DACH2: variants seen among roughly 807,000 people sequenced by gnomAD.
The protein encoded by DACH2 is dachshund homolog 2.
DACH2 carries 17 observed loss-of-function variants against 35.8 expected under a neutral mutation model. The ratio of observed to expected loss-of-function variants is 0.48; its 90% CI spans 0.33 to 0.71. The LOEUF is 0.71. Among genes scored for constraint, DACH2 ranks in the 30% least tolerant of loss-of-function variants. DACH2 has a pLI of 0.02. For synonymous variants in DACH2, 195 were observed against 177.3 expected, an observed-to-expected ratio of 1.10 and a Z score of -0.79; for missense variants, 469 against 472.7, an observed-to-expected ratio of 0.99 and a Z score of 0.07.
chrX:86,747,093 A>G (rs1223229664), intron 7 of DACH2, among the ~76,000 whole-genome samples: 3 of 111,526 alleles, frequency 2.7e-5, no homozygotes, highest in Non-Finnish European at 5.7e-5. Flanking sequence ...CTTGATTACT[A>G]TAGCTTTATA....
At chrX:86,625,335 A>C (rs1247856383) in intron 3 of DACH2, among the ~76,000 whole-genome samples, 3 of 109,330 alleles carry the variant, frequency 2.7e-5, no homozygotes, top group Admixed American at 2.0e-4. Context: ...TCTATTAACC[A>C]AGAACTACCT....
intron 4 of DACH2, among the ~76,000 whole-genome samples, chrX:86,671,051 G>A (rs1316366175): frequency 2.7e-5 from 3 of 111,853 alleles, no homozygotes; most frequent in Non-Finnish European, 3.8e-5. Flanking sequence ...GCATTGAATT[G>A]TTTCTTTTGT....
rs1251815606 is a variant in DACH2 at position 86,417,505 on chromosome X, G to A, written c.527+40643G>A. Among the ~76,000 whole-genome samples, 5 of 96,546 alleles carry A rather than the reference G, an allele frequency of 5.2e-5. No homozygotes were observed. The East Asian group carries it at 1.4e-3, about 27-fold the overall frequency. 83.8% of individuals were successfully genotyped at this position (96,546 alleles called of 115,157 possible). A position where few individuals can be genotyped will look rare whatever the true frequency, so the allele number is the denominator to read the frequency against. On this transcript the variant is annotated intron_variant, in intron 2 of 11. Coordinates refer to ENST00000373125, the MANE Select transcript of DACH2 (RefSeq NM_053281.3). Reference sequence around the variant, plus strand: ...ATCCTACATGGATGGCAGCAGGCAAGAGAGAGAACTTGTGCCGGGAAACTC... The same window carrying A: ...ATCCTACATGGATGGCAGCAGGCAAAAGAGAGAACTTGTGCCGGGAAACTC...
intron 7 of DACH2, chrX:86,799,209 C>G: frequency 4.0e-6 from 1 of 249,382 alleles, no homozygotes; most frequent in Admixed American, 5.2e-5. Flanking sequence ...CACTTTCCTT[C>G]ATCATTGCCA....
chrX:86,722,362 A>C (rs1295042064), intron 6 of DACH2, among the ~76,000 whole-genome samples: 3 of 110,755 alleles, frequency 2.7e-5, no homozygotes, highest in Non-Finnish European at 5.7e-5. Context: ...GTATTTCTTT[A>C]TTTAAAGACA....
chrX:86,341,294 C>T (rs748771439), intron 1 of DACH2, among the ~76,000 whole-genome samples: 1 of 111,523 alleles, frequency 9.0e-6, no homozygotes, highest in East Asian at 2.8e-4. Flanking sequence ...TGCTCATTTA[C>T]CATTCTGAAA....
At chrX:86,500,608 T>C (rs5922243) in intron 2 of DACH2, among the ~76,000 whole-genome samples, 30,746 of 111,073 alleles carry the variant, frequency 0.28, 3,271 homozygotes, top group Middle Eastern at 0.47. Context: ...ACACAACTTA[T>C]TTGACTTTCT....
In DACH2 at chrX:86,751,687, A is replaced by G. The variant is rs191852504; in HGVS notation, c.1240+11805A>G. Among the ~76,000 whole-genome samples, 4 of 111,475 alleles carry G rather than the reference A, an allele frequency of 3.6e-5. No individual in the cohort carries two copies. The East Asian group carries it at 1.1e-3, about 31-fold the overall frequency. ...TGAAGCACACAAAAAACAAGAAGAC[A>G]GAAGTAAAGGCAGGTAGGCAGGCAG... On this transcript the variant is annotated intron_variant, in intron 7 of 11. Coordinates refer to ENST00000373125, the MANE Select transcript of DACH2 (RefSeq NM_053281.3).
At chrX:86,378,789 A>G (rs1334399579) in intron 2 of DACH2, among the ~76,000 whole-genome samples, 1 of 110,940 alleles carries the variant, frequency 9.0e-6, no homozygotes, top group Admixed American at 9.6e-5. Flanking sequence ...GAAGCCTTTG[A>G]TCATGGAAAA....
chrX:86,749,431 A>G (rs1203255507), intron 7 of DACH2, among the ~76,000 whole-genome samples: 1 of 111,489 alleles, frequency 9.0e-6, no homozygotes, highest in African/African-American at 3.3e-5. Flanking sequence ...AGTTGACATA[A>G]TTTCAATATT....
chrX:86,546,474 T>A (rs867129380), intron 3 of DACH2, among the ~76,000 whole-genome samples: 13 of 90,007 alleles, frequency 1.4e-4, no homozygotes, highest in Non-Finnish European at 1.1e-4. Flanking sequence ...CTCTTATTCT[T>A]CCTCTTCTTC....
At chrX:86,392,222 A>T (rs1405971854) in intron 2 of DACH2, among the ~76,000 whole-genome samples, 2 of 111,441 alleles carry the variant, frequency 1.8e-5, no homozygotes, top group African/African-American at 6.5e-5. Context: ...ATAATGCTTG[A>T]TTCTGAATTT....
chrX:86,349,704 C>A (rs1474189320), intron 1 of DACH2, among the ~76,000 whole-genome samples: 1 of 112,278 alleles, frequency 8.9e-6, no homozygotes, highest in Non-Finnish European at 1.9e-5. Flanking sequence ...TCTTATACAT[C>A]AAATTGATCT....
At chrX:86,302,725 T>C (rs931076577) in intron 1 of DACH2, among the ~76,000 whole-genome samples, 16 of 110,344 alleles carry the variant, frequency 1.5e-4, no homozygotes, top group Non-Finnish European at 2.8e-4. Context: ...GCACATATAT[T>C]TTATATATAA....
At chrX:86,296,427 G>T (rs1270625209) in intron 1 of DACH2, among the ~76,000 whole-genome samples, 2 of 103,472 alleles carry the variant, frequency 1.9e-5, no homozygotes, top group Non-Finnish European at 3.9e-5. Context: ...TCTTAAGTTA[G>T]TTCATGACAT....
At chrX:86,627,009 GTTT>G (rs373336356) in intron 3 of DACH2, among the ~76,000 whole-genome samples, 3 of 112,457 alleles carry the variant, frequency 2.7e-5, no homozygotes, top group African/African-American at 9.7e-5. Flanking sequence ...CTCAGAAAGT[GTTT>G]TTTTCTTTCT....
chrX:86,167,617 C>A (rs2030986711), intron 1 of DACH2, among the ~76,000 whole-genome samples: 2 of 110,637 alleles, frequency 1.8e-5, no homozygotes, highest in South Asian at 7.5e-4. Flanking sequence ...TTTTTAAATT[C>A]TTTTAGGTGT....
chrX:86,457,522 T>C (rs753950226), intron 2 of DACH2, among the ~76,000 whole-genome samples: 1 of 112,475 alleles, frequency 8.9e-6, no homozygotes, highest in East Asian at 2.8e-4. Context: ...TTGAACTTTA[T>C]TAATTTGCTA....
intron 1 of DACH2, among the ~76,000 whole-genome samples, chrX:86,262,266 C>T (rs1171976594): frequency 7.2e-5 from 8 of 110,765 alleles, no homozygotes; most frequent in African/African-American, 1.6e-4. Flanking sequence ...CCAGCCTGGG[C>T]AATAGAGGGA....
Sources: allele counts gnomAD v4.1 joint callset (sites outside exome capture counted in the v4.1 genomes callset), GRCh38; gene constraint gnomAD v4.1.1; transcripts MANE v1.5; gene names NCBI Gene and HGNC (gene_info 2026-07-23, HGNC 2026-07-21).